Variants in SIX5 observed in about 807,000 individuals in gnomAD.
The protein encoded by SIX5 is SIX homeobox 5.
SIX5 carries 21 observed loss-of-function variants against 37.1 expected under a neutral mutation model. The observed-to-expected ratio is 0.57, with a 90% confidence interval of 0.40 to 0.81. The LOEUF (loss-of-function observed/expected upper bound fraction) is 0.81. Among genes scored for constraint, SIX5 ranks in the 40% least tolerant of loss-of-function variants. SIX5 has a pLI of 0.00. For synonymous variants in SIX5, 626 were observed against 505.9 expected (o/e 1.24, Z -3.19); for missense variants, 1,137 against 1,025.1 (o/e 1.11, Z -1.49).
intron 1 of SIX5, 100 bp downstream of exon 1, chr19:45,767,942 G>A (rs1165957181): frequency 4.8e-6 from 6 of 1,251,398 alleles, no homozygotes; most frequent in Non-Finnish European, 4.4e-6. Flanking sequence ...GATGTCCGAG[G>A]ACCTCGGCGC....
Position 45,765,544 on chromosome 19 carries a change from G to A in SIX5, c.2177C>T (p.Thr726Ile). Residue 726 changes from threonine to isoleucine, a missense_variant, in exon 3 of 3, where the codon ACC (threonine) becomes ATC (isoleucine). Physicochemically the swap from Thr to Ile is moderately conservative, Grantham distance 89 (BLOSUM62 -1). Transcript: ENST00000317578. ...EGLEAEAKVLTQLQSVPVEEP... is the reference protein window; with the variant it reads ...EGLEAEAKVLIQLQSVPVEEP... ...CTCCACAGGCACCGACTGGAGCTGG[G>A]TCAGAACCTTGGCCTCAGCTTCCAA... 6.2e-7 allele frequency: 1 copy of A among 1,613,482 alleles called. No individual in the cohort carries two copies. The highest frequency in any genetic ancestry group is 2.2e-5 in the East Asian group (1 of 44,880).
chr19:45,766,230 C>G (rs1969071107), intron 2 of SIX5, 119 bp from the exon 3 acceptor site: 2 of 1,497,354 alleles, frequency 1.3e-6, no homozygotes. Context: ...GGCCTTGGGG[C>G]ACTGGGACTT....
In SIX5 at chr19:45,767,125, G is replaced by T. The variant is rs376711015; in HGVS notation, c.834C>A (p.Asp278Glu). ...GGTCCTCAGGACTTCGGCTGGACTC[G>T]TCCTCAGTCGTGGGATTCCCATCAG... ...SESDGNPTTE[D>E]ESSRSPEDLE... is the part of the protein sequence containing the mutation. The change falls in exon 2 of 3, where the codon GAC (aspartate) becomes GAA (glutamate). Residue 278 changes from aspartate to glutamate, a missense_variant. Coordinates refer to ENST00000317578, the MANE Select transcript of SIX5 (RefSeq NM_175875.5). The T allele has an allele frequency of 4.2e-5, 67 of 1,612,292 alleles. No individual in the cohort carries two copies. In the African/African-American group the frequency reaches 7.9e-4, roughly 19 times the overall value.
Position 45,768,854 on chromosome 19 carries a change from C to G in SIX5, c.-10G>C. ...CAGGCAAGGTAGCCATGTTTTGCAACTTTGGGAAGTTCCTCCCTCCCTCTC... is the reference window on the plus strand; with the variant it reads ...CAGGCAAGGTAGCCATGTTTTGCAAGTTTGGGAAGTTCCTCCCTCCCTCTC... On this transcript the variant is annotated 5_prime_UTR_variant, in exon 1 of 3. Coordinates refer to ENST00000317578, the MANE Select transcript of SIX5 (RefSeq NM_175875.5). The G allele has an allele frequency of 6.5e-7, 1 of 1,529,348 alleles. No individual in the cohort carries two copies. The highest frequency in any genetic ancestry group is 1.4e-5 in the African/African-American group (1 of 72,682). The allele number at this position is 1,529,348 out of a possible 1,614,324, so 94.7% of individuals were successfully genotyped here.
rs1969158896 is a variant in SIX5 at position 45,768,892 on chromosome 19, G to C, written c.-48C>G. On this transcript the variant is annotated 5_prime_UTR_variant, in exon 1 of 3. Coordinates refer to ENST00000317578, the MANE Select transcript of SIX5 (RefSeq NM_175875.5). Reference sequence around the variant, plus strand: ...CTCCCTCCCTCTCTTCCTCCCTCGGGCTTTCCCCAGCCTCCTCCCCCACCT... The same window carrying C: ...CTCCCTCCCTCTCTTCCTCCCTCGGCCTTTCCCCAGCCTCCTCCCCCACCT... The C allele has an allele frequency of 2.0e-6, 3 of 1,497,036 alleles. No individual in the cohort carries two copies. Among genetic ancestry groups the C allele is most frequent in the Non-Finnish European group, 2.7e-6 (3 of 1,118,958 alleles). The allele number at this position is 1,497,036 out of a possible 1,614,324, so 92.7% of individuals were successfully genotyped here.
rs1486370661 is a variant in SIX5, at chr19:45,766,664, G to C, written c.1295C>G (p.Pro432Arg). The C allele has an allele frequency of 6.7e-7, 1 of 1,491,026 alleles. No homozygotes were observed. Among genetic ancestry groups the C allele is most frequent in the Non-Finnish European group, 8.9e-7 (1 of 1,119,318 alleles). 92.4% of individuals were successfully genotyped at this position (1,491,026 alleles called of 1,614,324 possible). A position where few individuals can be genotyped will look rare whatever the true frequency, so the allele number is the denominator to read the frequency against. Residue 432 changes from proline (P) to arginine (R), a missense_variant, in exon 2 of 3, where the codon CCC becomes CGC. By Grantham distance (103) the Pro-to-Arg change is moderately radical (BLOSUM62 -2). Coordinates refer to ENST00000317578, the MANE Select transcript of SIX5 (RefSeq NM_175875.5). ...CAGAGGAAAGGTGGCAGCCGTCGGG[G>C]GGCCAGGCACCACTTGGGCCAGGGG... is the stretch of plus-strand genomic sequence containing the variant. ...LGPLAQVVPG[P>R]PTAATFPLPP...
chr19:45,766,721 G>A lies in SIX5; in HGVS notation c.1238C>T (p.Pro413Leu), dbSNP rs749681427. 7.7e-6 allele frequency: 12 copies of A among 1,565,886 alleles called. No homozygotes were observed. Among genetic ancestry groups the A allele is most frequent in the South Asian group, 4.7e-5 (4 of 85,572 alleles). Residue 413 changes from proline to leucine, a missense_variant, in exon 2 of 3, where the codon CCG becomes CTG. This residue lies in a region of SIX5 where 787 missense variants were observed against 621.4 expected (regional missense o/e 1.27). Coordinates refer to ENST00000317578, the MANE Select transcript of SIX5 (RefSeq NM_175875.5). ...PETKGAQVAAPGPALGEEVLG... is the reference protein window; with the variant it reads ...PETKGAQVAALGPALGEEVLG... ...GACCTCCTCTCCAAGGGCTGGTCCC[G>A]GAGCAGCCACCTGGGCCCCTTTGGT...
Position 45,768,653 on chromosome 19 carries a change from C to T in SIX5, c.192G>A (p.Pro64=), listed in dbSNP as rs1969144411. Residue 64 remains proline, a synonymous_variant, in exon 1 of 3, where the codon CCG becomes CCA. Transcript: ENST00000317578. ...GCGACCCGGGGACGCCCGGGGATCC[C>T]GGGCCCTCAGCTCCCGCAGCCGCTG... ...AGAAAAGAEG[P]GSPGVPGSPP... is the part of the protein sequence containing the mutation. The T allele has an allele frequency of 7.8e-7, 1 of 1,279,680 alleles. No homozygotes were observed. The highest frequency in any genetic ancestry group is 9.8e-7 in the Non-Finnish European group (1 of 1,022,920). 79.3% of individuals were successfully genotyped at this position (1,279,680 alleles called of 1,614,324 possible).
Position 45,769,167 on chromosome 19 carries a change from T to G in SIX5, c.-323A>C. On this transcript the variant is annotated 5_prime_UTR_variant, in exon 1 of 3. Coordinates refer to ENST00000317578, the MANE Select transcript of SIX5 (RefSeq NM_175875.5). ...TTCCCCATCGGGACAACGCAGAAGG[T>G]AACGGGCCGTCCAGGAGGACTAAGG... The G allele has an allele frequency of 2.8e-6, 1 of 353,546 alleles. No homozygotes were observed. The highest frequency in any genetic ancestry group is 5.2e-6 in the Non-Finnish European group (1 of 192,048). The allele number at this position is 353,546 out of a possible 1,614,324, so 21.9% of individuals were successfully genotyped here.
At position 45,765,692 on chromosome 19, in the gene SIX5, CCT is replaced by C; in HGVS notation, c.2027_2028del (p.Glu676GlyfsTer26). 1 of 1,613,196 alleles carries C rather than the reference CCT, an allele frequency of 6.2e-7. No individual in the cohort carries two copies. The highest frequency in any genetic ancestry group is 1.3e-5 in the African/African-American group (1 of 75,060). ...AGCCCCTTTTCCGCTTCCAGCAGCC[CCT>C]CTGTTCCTGCGCTTAGTTCCAGCCC... Reference protein sequence around the residue: ...SAGLELSAGTEGLLEAEKGLG... With the variant: ...SAGLELSAGTXGLLEAEKGLG... On this transcript the variant is annotated frameshift_variant, in exon 3 of 3. Coordinates refer to ENST00000317578, the MANE Select transcript of SIX5 (RefSeq NM_175875.5). LOFTEE classifies it high-confidence loss of function.
rs1405287749 is a variant in SIX5 at position 45,768,807 on chromosome 19, G to T, written c.38C>A (p.Ala13Glu). ...CGCCGCCACCGCCTCCCCCCCAGCCGCCGGCCCCGCGCTCGGCTCCGCAGG... is the reference window on the plus strand; with the variant it reads ...CGCCGCCACCGCCTCCCCCCCAGCCTCCGGCCCCGCGCTCGGCTCCGCAGG... ...TLPAEPSAGPAAGGEAVAAAA... is the reference protein window; with the variant it reads ...TLPAEPSAGPEAGGEAVAAAA... The change falls in exon 1 of 3, where the codon GCG becomes GAG. Residue 13 changes from alanine (A) to glutamate (E), a missense_variant. Transcript: ENST00000317578. 1 of 1,521,274 alleles carries T rather than the reference G, an allele frequency of 6.6e-7. No individual in the cohort carries two copies. The highest frequency in any genetic ancestry group is 8.8e-7 in the Non-Finnish European group (1 of 1,139,796). 94.2% of individuals were successfully genotyped at this position (1,521,274 alleles called of 1,614,324 possible). A position where few individuals can be genotyped will look rare whatever the true frequency, so the allele number is the denominator to read the frequency against.
chr19:45,767,184 G>T, intron 1 of SIX5, 29 bp from the exon 2 acceptor site: 2 of 1,604,530 alleles, frequency 1.2e-6, no homozygotes. Flanking sequence ...GTCAGCTGGG[G>T]TCCCTTAGCC....
In SIX5 at chr19:45,768,565, C is replaced by G; in HGVS notation, c.280G>C (p.Val94Leu). Residue 94 changes from valine to leucine, a missense_variant, in exon 1 of 3, where the codon GTC (valine) becomes CTC (leucine). This residue lies in a region of SIX5 where 331 missense variants were observed against 360.9 expected (regional missense o/e 0.92). Transcript: ENST00000317578. ...CCCGCCTGGAGCAGCGCCTCGCAGA[C>G]GCACGCCACCTGCTCGGGCGAGAAG... ...LRFSPEQVACVCEALLQAGHA... is the reference protein window; with the variant it reads ...LRFSPEQVACLCEALLQAGHA... 1 of 1,374,106 alleles carries G rather than the reference C, an allele frequency of 7.3e-7. No individual in the cohort carries two copies. Among genetic ancestry groups the G allele is most frequent in the Non-Finnish European group, 9.3e-7 (1 of 1,072,912 alleles). The allele number at this position is 1,374,106 out of a possible 1,614,324, so 85.1% of individuals were successfully genotyped here. A position where few individuals can be genotyped will look rare whatever the true frequency, so the allele number is the denominator to read the frequency against.
At position 45,765,939 on chromosome 19, in the gene SIX5, G is replaced by A. The variant is rs376907921; in HGVS notation, c.1782C>T (p.Ser594=). 3.5e-5 allele frequency: 55 copies of A among 1,593,716 alleles called. No individual in the cohort carries two copies. Among genetic ancestry groups the A allele is most frequent in the East Asian group, 2.7e-4 (12 of 44,338 alleles). The change falls in exon 3 of 3, where the codon TCC becomes TCT. Residue 594 remains serine, a synonymous_variant. Transcript: ENST00000317578. ...CCACCGGGAGGCCTCCCTCAGGCAC[G>A]GAGATGGCCGTCTCTGGCTTCAGTG... ...ALPLKPETAI[S]VPEGGLPVAP... is the part of the protein sequence containing the mutation.
rs1326605024 is a variant in SIX5 at position 45,767,808 on chromosome 19, A to G, written c.803+234T>C. The G allele has an allele frequency of 5.2e-6, 3 of 576,710 alleles. No homozygotes were observed. The African/African-American group carries it at 5.8e-5, about 11-fold the overall frequency. 35.7% of individuals were successfully genotyped at this position (576,710 alleles called of 1,614,324 possible). ...CCAACACCGATGGGATTTGGGAAGGAGCTCGGAATGGAGCCGCTGGAAGAG... is the reference window on the plus strand; with the variant it reads ...CCAACACCGATGGGATTTGGGAAGGGGCTCGGAATGGAGCCGCTGGAAGAG... On this transcript the variant is annotated intron_variant, in intron 1 of 2. Coordinates refer to ENST00000317578, the MANE Select transcript of SIX5 (RefSeq NM_175875.5).
rs1205469563 is a variant in SIX5 at position 45,766,660 on chromosome 19, C to CG, written c.1298dup (p.Thr434AspfsTer164). The CG allele has an allele frequency of 4.0e-6, 6 of 1,487,484 alleles. No individual in the cohort carries two copies. Among genetic ancestry groups the CG allele is most frequent in the Non-Finnish European group, 4.5e-6 (5 of 1,117,536 alleles). 92.1% of individuals were successfully genotyped at this position (1,487,484 alleles called of 1,614,324 possible). A position where few individuals can be genotyped will look rare whatever the true frequency, so the allele number is the denominator to read the frequency against. ...GGGGCAGAGGAAAGGTGGCAGCCGT[C>CG]GGGGGGCCAGGCACCACTTGGGCCA... On this transcript the variant is annotated frameshift_variant, in exon 2 of 3. Transcript: ENST00000317578. LOFTEE classifies it high-confidence loss of function.
At chr19:45,767,734 C>T in intron 1 of SIX5, 1 of 479,264 alleles carries the variant, frequency 2.1e-6, no homozygotes, top group Non-Finnish European at 3.7e-6. Context: ...TGGCCACAGG[C>T]CCTGTCCTTT....
chr19:45,767,161 C>A lies in SIX5; in HGVS notation c.804-6G>T, dbSNP rs768445594. ...TGGGATTCCCATCAGACTCGCTGGCCGGAGAAATGGCTGTCAGCTGGGGTC... is the reference window on the plus strand; with the variant it reads ...TGGGATTCCCATCAGACTCGCTGGCAGGAGAAATGGCTGTCAGCTGGGGTC... On this transcript the variant is annotated splice_polypyrimidine_tract_variant and splice_region_variant and intron_variant, in intron 1 of 2. Coordinates refer to ENST00000317578, the MANE Select transcript of SIX5 (RefSeq NM_175875.5). The A allele has an allele frequency of 1.2e-6, 2 of 1,610,996 alleles. No homozygotes were observed. Among genetic ancestry groups the A allele is most frequent in the African/African-American group, 1.3e-5 (1 of 74,868 alleles).
chr19:45,769,160 C>T lies in SIX5; in HGVS notation c.-316G>A, dbSNP rs1022604536. The T allele has an allele frequency of 5.1e-6, 2 of 393,690 alleles. No individual in the cohort carries two copies. Among genetic ancestry groups the T allele is most frequent in the Admixed American group, 4.1e-5 (1 of 24,158 alleles). The allele number at this position is 393,690 out of a possible 1,614,324, so 24.4% of individuals were successfully genotyped here. A position where few individuals can be genotyped will look rare whatever the true frequency, so the allele number is the denominator to read the frequency against. On this transcript the variant is annotated 5_prime_UTR_variant, in exon 1 of 3. Transcript: ENST00000317578. ...CCTCAGTTTCCCCATCGGGACAACG[C>T]AGAAGGTAACGGGCCGTCCAGGAGG...
Sources: allele counts gnomAD v4.1 joint callset, GRCh38; gene constraint gnomAD v4.1.1; regional missense constraint gnomAD v4.1.1; transcripts MANE v1.5; gene names NCBI Gene and HGNC (gene_info 2026-07-23, HGNC 2026-07-21).